CTNND2: variants seen among roughly 807,000 people sequenced by gnomAD.
CTNND2 encodes catenin delta-2.
Under a neutral mutation model 144.4 loss-of-function variants are expected in CTNND2, and 22 were observed. The observed-to-expected ratio is 0.15, with a 90% CI of 0.11 to 0.22. The LOEUF (loss-of-function observed/expected upper bound fraction) is 0.22, where lower values mean the gene tolerates loss of function less well. Among genes scored for constraint, CTNND2 ranks in the 10% least tolerant of loss-of-function variants. CTNND2 has a pLI of 1.00. For missense variants in CTNND2, 1,353 were observed against 1,618.8 expected (o/e 0.84, Z 2.82); for synonymous variants, 751 against 695.6 (o/e 1.08, Z -1.25).
At chr5:11,676,715 C>A (rs1340503812) in intron 2 of CTNND2, among the ~76,000 whole-genome samples, 1 of 151,926 alleles carries the variant, frequency 6.6e-6, no homozygotes, top group Non-Finnish European at 1.5e-5. Context: ...GAGTTTTCAA[C>A]TCAAGGTCAG....
chr5:11,484,301 A>G (rs1005531076), intron 3 of CTNND2, among the ~76,000 whole-genome samples: 1 of 152,204 alleles, frequency 6.6e-6, no homozygotes, highest in Non-Finnish European at 1.5e-5. Flanking sequence ...TGTTACGCAT[A>G]GTTGAATTTG....
chr5:11,313,830 A>G (rs1298806485), intron 9 of CTNND2, among the ~76,000 whole-genome samples: 4 of 152,166 alleles, frequency 2.6e-5, no homozygotes, highest in African/African-American at 7.2e-5. Flanking sequence ...GGCCTCAGGA[A>G]ACTTACACTC....
intron 11 of CTNND2, among the ~76,000 whole-genome samples, chr5:11,170,896 A>G (rs1324281310): frequency 1.3e-5 from 2 of 152,228 alleles, no homozygotes; most frequent in East Asian, 3.8e-4. Flanking sequence ...GTCGTATAAC[A>G]TGGTGGCAGG....
At chr5:11,001,128 C>T (rs1739914937) in intron 18 of CTNND2, among the ~76,000 whole-genome samples, 1 of 152,184 alleles carries the variant, frequency 6.6e-6, no homozygotes, top group South Asian at 2.1e-4. Context: ...CCAGCATGCA[C>T]TGCTTATGAG....
At chr5:11,025,818 TA>T (rs1195531891) in intron 16 of CTNND2, among the ~76,000 whole-genome samples, 1 of 152,228 alleles carries the variant, frequency 6.6e-6, no homozygotes, top group African/African-American at 2.4e-5. Flanking sequence ...TTGAAAGAGC[TA>T]AAAAGCTATT....
intron 3 of CTNND2, among the ~76,000 whole-genome samples, chr5:11,522,992 A>T (rs1772888405): frequency 6.6e-6 from 1 of 152,186 alleles, no homozygotes; most frequent in Admixed American, 6.5e-5. Context: ...TTCTGATATC[A>T]AGTTACAGTG....
chr5:11,131,898 C>T (rs767191455), intron 12 of CTNND2, among the ~76,000 whole-genome samples: 9 of 152,138 alleles, frequency 5.9e-5, no homozygotes, highest in Non-Finnish European at 1.2e-4. Flanking sequence ...TTTAACAAAT[C>T]GTACTTCAAA....
intron 3 of CTNND2, among the ~76,000 whole-genome samples, chr5:11,511,153 C>A (rs555471059): frequency 6.6e-6 from 1 of 152,138 alleles, no homozygotes; most frequent in East Asian, 1.9e-4. Context: ...GTAATTCTTT[C>A]AAGGAATCAT....
chr5:11,224,636 G>A (rs1257781948), intron 10 of CTNND2, among the ~76,000 whole-genome samples: 1 of 152,156 alleles, frequency 6.6e-6, no homozygotes, highest in East Asian at 1.9e-4. Flanking sequence ...CTGTGTGCAT[G>A]ACCGCTAGTA....
intron 5 of CTNND2, among the ~76,000 whole-genome samples, chr5:11,398,084 TG>T (rs1357058546): frequency 6.6e-6 from 1 of 152,118 alleles, no homozygotes; most frequent in Non-Finnish European, 1.5e-5. Context: ...TGAGAGGGGC[TG>T]GGGTAAGAAG....
At chr5:11,355,621 C>G (rs1378816437) in intron 8 of CTNND2, among the ~76,000 whole-genome samples, 1 of 152,098 alleles carries the variant, frequency 6.6e-6, no homozygotes, top group African/African-American at 2.4e-5. Flanking sequence ...AGGTCAGGAA[C>G]AAGACAAGGA....
At chr5:11,811,532 A>T (rs1792333944) in intron 1 of CTNND2, among the ~76,000 whole-genome samples, 2 of 152,044 alleles carry the variant, frequency 1.3e-5, no homozygotes, top group African/African-American at 4.8e-5. Context: ...AGGTGTCAAA[A>T]TTTTCCATTT....
chr5:11,588,671 A>T, intron 2 of CTNND2: 1 of 752,076 alleles, frequency 1.3e-6, no homozygotes, highest in Non-Finnish European at 1.6e-6. Context: ...TATCACAAAA[A>T]CAACATTCAT....
chr5:11,060,774 A>C (rs1257275103), intron 16 of CTNND2, among the ~76,000 whole-genome samples: 2 of 152,236 alleles, frequency 1.3e-5, no homozygotes, highest in African/African-American at 4.8e-5. Flanking sequence ...CCACACAAGG[A>C]AACATTACCT....
chr5:11,581,025 C>T (rs1778390167), intron 2 of CTNND2, among the ~76,000 whole-genome samples: 1 of 152,150 alleles, frequency 6.6e-6, no homozygotes, highest in African/African-American at 2.4e-5. Context: ...CACATATGGC[C>T]TAAAAGTATC....
At chr5:11,818,041 T>C (rs1793102950) in intron 1 of CTNND2, among the ~76,000 whole-genome samples, 1 of 148,206 alleles carries the variant, frequency 6.7e-6, no homozygotes, top group South Asian at 2.3e-4. Context: ...CCGCACATTA[T>C]ATTTCTTTTC....
At chr5:11,584,313 A>G (rs571563797) in intron 2 of CTNND2, among the ~76,000 whole-genome samples, 1 of 152,196 alleles carries the variant, frequency 6.6e-6, no homozygotes, top group African/African-American at 2.4e-5. Flanking sequence ...GGAGGCGGAA[A>G]GGATGCAGAA....
intron 9 of CTNND2, among the ~76,000 whole-genome samples, chr5:11,339,404 G>A (rs1754027435): frequency 1.3e-5 from 2 of 152,154 alleles, no homozygotes; most frequent in Non-Finnish European, 2.9e-5. Flanking sequence ...ACCGCGGGAG[G>A]AGGTGAGGGC....
At chr5:11,595,278 A>G (rs1779447825) in intron 2 of CTNND2, among the ~76,000 whole-genome samples, 1 of 152,158 alleles carries the variant, frequency 6.6e-6, no homozygotes, top group Non-Finnish European at 1.5e-5. Context: ...CTCAGATGCA[A>G]CTGAAACCCC....
Sources: allele counts gnomAD v4.1 joint callset (sites outside exome capture counted in the v4.1 genomes callset), GRCh38; gene constraint gnomAD v4.1.1; transcripts MANE v1.5; gene names NCBI Gene and HGNC (gene_info 2026-07-23, HGNC 2026-07-21).